PDE4B: variants seen among roughly 807,000 people sequenced by gnomAD.
PDE4B encodes 3',5'-cyclic-AMP phosphodiesterase 4B.
In PDE4B, 20 loss-of-function variants were observed where a neutral mutation model predicts 82.2. That is an observed-to-expected ratio of 0.24 (90% CI 0.17 to 0.35). The LOEUF (loss-of-function observed/expected upper bound fraction) is 0.35. PDE4B is among the 10% of genes least tolerant of loss of function. The pLI is 1.00. For synonymous variants in PDE4B, 320 were observed against 318.9 expected (o/e 1.00, Z -0.04); for missense variants, 655 against 907.2 (o/e 0.72, Z 3.57).
chr1:66,055,377 A>G (rs1341058247), intron 3 of PDE4B, among the ~76,000 whole-genome samples: 1 of 152,246 alleles, frequency 6.6e-6, no homozygotes, highest in East Asian at 1.9e-4. Context: ...CTTACCATGT[A>G]GAGTTGTTGT....
In PDE4B at chr1:66,372,412, A is replaced by T. The variant is rs2050816504; in HGVS notation, c.1945A>T (p.Arg649Trp). 2.5e-6 allele frequency: 4 copies of T among 1,614,168 alleles called. No homozygotes were observed. The highest frequency in any genetic ancestry group is 3.4e-6 in the Non-Finnish European group (4 of 1,179,992). Residue 649 changes from arginine (R) to tryptophan (W), a missense_variant, in exon 17 of 17, where the codon AGG becomes TGG. Physicochemically the swap from Arg to Trp is moderately radical, Grantham distance 101 (BLOSUM62 -3). Transcript: ENST00000341517. ...QDILDTLEDN[R>W]NWYQSMIPQS... ...CATTCTCGATACCTTAGAAGATAAC[A>T]GGAACTGGTATCAGAGCATGATACC...
At chr1:66,082,762 A>C (rs555610015) in intron 3 of PDE4B, among the ~76,000 whole-genome samples, 2 of 152,202 alleles carry the variant, frequency 1.3e-5, no homozygotes, top group East Asian at 3.9e-4. Flanking sequence ...CCAAGAACAA[A>C]ATTTAATTCA....
In PDE4B at chr1:66,009,875, A is replaced by G. The variant is rs79572379; in HGVS notation, c.281+91040A>G. 2.9e-3 allele frequency among the ~76,000 whole-genome samples: 445 copies of G among 151,838 alleles called. 3 individuals carry two copies. The highest frequency in any genetic ancestry group is 0.01 in the African/African-American group (418 of 41,426). On this transcript the variant is annotated intron_variant, in intron 3 of 16. Coordinates refer to ENST00000341517, the MANE Select transcript of PDE4B (RefSeq NM_002600.4). ...TATATATGTATTTTTCTATATCTAC[A>G]TCTATTTCATATCCATATGATCTGT... is the stretch of plus-strand genomic sequence containing the variant.
At chr1:66,037,163 T>C (rs947939677) in intron 3 of PDE4B, among the ~76,000 whole-genome samples, 1 of 151,982 alleles carries the variant, frequency 6.6e-6, no homozygotes, top group African/African-American at 2.4e-5. Context: ...GTTTTTTCTA[T>C]TTCTGTAAAG....
intron 1 of PDE4B, among the ~76,000 whole-genome samples, chr1:65,793,535 G>A (rs1645597837): frequency 6.6e-6 from 1 of 152,210 alleles, no homozygotes; most frequent in Non-Finnish European, 1.5e-5. Context: ...GGCTAAGGGA[G>A]AATGGAGAGA....
intron 3 of PDE4B, among the ~76,000 whole-genome samples, chr1:66,161,988 G>A (rs1258340357): frequency 2.6e-5 from 4 of 152,042 alleles, no homozygotes; most frequent in African/African-American, 7.2e-5. Flanking sequence ...CTTTTAGTAA[G>A]TATTAAATAA....
chr1:66,033,894 G>A (rs1331695432), intron 3 of PDE4B, among the ~76,000 whole-genome samples: 1 of 151,932 alleles, frequency 6.6e-6, no homozygotes, highest in Non-Finnish European at 1.5e-5. Flanking sequence ...AGAGATAGAG[G>A]CAATGTATGA....
chr1:66,321,176 T>C (rs538499486), intron 7 of PDE4B, among the ~76,000 whole-genome samples: 1 of 152,326 alleles, frequency 6.6e-6, no homozygotes, highest in Non-Finnish European at 1.5e-5. Context: ...ATTAATTCAT[T>C]GGACTCTGAT....
chr1:65,888,573 C>A (rs1571074093), intron 1 of PDE4B, among the ~76,000 whole-genome samples: 1 of 152,074 alleles, frequency 6.6e-6, no homozygotes, highest in East Asian at 1.9e-4. Flanking sequence ...TCTTTTGATT[C>A]ATGAGCAGGG....
intron 3 of PDE4B, among the ~76,000 whole-genome samples, chr1:65,988,312 G>T (rs1651058083): frequency 6.6e-6 from 1 of 152,072 alleles, no homozygotes; most frequent in South Asian, 2.1e-4. Flanking sequence ...TAATTCTCTA[G>T]CTTCGTTTTT....
At chr1:66,112,674 T>C (rs894914616) in intron 3 of PDE4B, 3 of 152,216 alleles carry the variant, frequency 2.0e-5, no homozygotes, top group African/African-American at 7.2e-5. Flanking sequence ...CCCTTGTCAC[T>C]TGTGTTTTCC....
intron 3 of PDE4B, among the ~76,000 whole-genome samples, chr1:65,966,607 A>C (rs1649848162): frequency 6.6e-6 from 1 of 152,216 alleles, no homozygotes; most frequent in African/African-American, 2.4e-5. Context: ...CTAAGCAAAA[A>C]GAACAAAGCT....
chr1:66,120,185 G>A (rs899576446), intron 3 of PDE4B, among the ~76,000 whole-genome samples: 1 of 152,134 alleles, frequency 6.6e-6, no homozygotes, highest in Non-Finnish European at 1.5e-5. Context: ...TCCAAAATGA[G>A]GGAACTAGAT....
At chr1:66,062,132 G>A (rs1292423262) in intron 3 of PDE4B, among the ~76,000 whole-genome samples, 1 of 152,020 alleles carries the variant, frequency 6.6e-6, no homozygotes, top group Non-Finnish European at 1.5e-5. Flanking sequence ...AAACATTGCT[G>A]ATATTCTATA....
chr1:66,106,000 G>A lies in PDE4B; in HGVS notation c.282-141460G>A, dbSNP rs576871670. ...TGTTGAATAGGAGTGGTGAGAGAGG[G>A]CATCCCTGTCTTGTGCCAGTTTTCA... On this transcript the variant is annotated intron_variant, in intron 3 of 16. Coordinates refer to ENST00000341517, the MANE Select transcript of PDE4B (RefSeq NM_002600.4). 1.9e-3 allele frequency among the ~76,000 whole-genome samples: 290 copies of A among 151,996 alleles called. 3 individuals carry two copies. Among genetic ancestry groups the A allele is most frequent in the African/African-American group, 6.7e-3 (278 of 41,492 alleles).
At chr1:66,156,847 C>T (rs1646511447) in intron 3 of PDE4B, among the ~76,000 whole-genome samples, 1 of 152,144 alleles carries the variant, frequency 6.6e-6, no homozygotes, top group African/African-American at 2.4e-5. Context: ...ACTGGTTTCC[C>T]ACCTACCTCA....
Position 65,890,134 on chromosome 1 carries a change from ATT to A in PDE4B, c.-70-23099_-70-23098del, listed in dbSNP as rs202106767. Among the ~76,000 whole-genome samples, 3 of 144,970 alleles carry A rather than the reference ATT, an allele frequency of 2.1e-5. No individual in the cohort carries two copies. The Admixed American group carries it at 2.1e-4, about 10-fold the overall frequency. Reference sequence around the variant, plus strand: ...AATTCTGCAATTTAAAGCTTGACAAATTTTTTTTTTTTTCCTAACTGGCAAAA... The same window carrying A: ...AATTCTGCAATTTAAAGCTTGACAAATTTTTTTTTTTCCTAACTGGCAAAA... On this transcript the variant is annotated intron_variant, in intron 1 of 16. Coordinates refer to ENST00000341517, the MANE Select transcript of PDE4B (RefSeq NM_002600.4).
intron 3 of PDE4B, among the ~76,000 whole-genome samples, chr1:66,218,203 A>C (rs1208013851): frequency 2.0e-5 from 3 of 152,128 alleles, no homozygotes; most frequent in Non-Finnish European, 4.4e-5. Flanking sequence ...TCTAACTACC[A>C]AATTAAGGAC....
chr1:66,222,382 G>A (rs754336139), intron 3 of PDE4B, among the ~76,000 whole-genome samples: 1 of 152,184 alleles, frequency 6.6e-6, no homozygotes, highest in Non-Finnish European at 1.5e-5. Context: ...TCTTGGTATT[G>A]TTGTGAGGAT....
Sources: allele counts gnomAD v4.1 joint callset (sites outside exome capture counted in the v4.1 genomes callset), GRCh38; gene constraint gnomAD v4.1.1; transcripts MANE v1.5; gene names NCBI Gene and HGNC (gene_info 2026-07-23, HGNC 2026-07-21).